The following WWOX variants were observed in gnomAD, a reference collection of about 807,000 sequenced individuals.
WWOX encodes WW domain containing oxidoreductase.
In WWOX, 69 loss-of-function variants were observed where a neutral mutation model predicts 46.2. That is an observed-to-expected ratio of 1.49 (90% CI 1.23 to 1.82). WWOX has a LOEUF of 1.82. WWOX is among the 40% of genes most tolerant of loss of function. The pLI, the probability that WWOX is intolerant of heterozygous loss-of-function variation, is 0.00. For synonymous variants in WWOX, 359 were observed against 202.6 expected (o/e 1.77, Z -6.56); for missense variants, 919 against 542.6 (o/e 1.69, Z -6.89).
intron 8 of WWOX, chr16:79,106,846 T>A (rs1159130153): frequency 6.7e-6 from 1 of 148,942 alleles, no homozygotes; most frequent in Non-Finnish European, 1.5e-5. Context: ...CTTGTTCTTA[T>A]GCCGAGGCTG....
At chr16:78,444,532 C>CT (rs749332062) in intron 8 of WWOX, among the ~76,000 whole-genome samples, 23,232 of 136,684 alleles carry the variant, frequency 0.17, 2,995 homozygotes, top group African/African-American at 0.35. Context: ...AGGAGCAATT[C>CT]TTTTTTTTTT....
chr16:78,960,730 C>T (rs1410913234), intron 8 of WWOX, among the ~76,000 whole-genome samples: 1 of 152,194 alleles, frequency 6.6e-6, no homozygotes, highest in Non-Finnish European at 1.5e-5. Flanking sequence ...TAGAGGTACA[C>T]AGCACTTGTT....
Position 78,457,358 on chromosome 16 carries a change from A to C in WWOX, c.1056+24606A>C, listed in dbSNP as rs112229083. Reference sequence around the variant, plus strand: ...GCTACTTGTTCTCTTGGTTCCTTCAAAGTAATGACTAAGTACAGGTCTTTA... The same window carrying C: ...GCTACTTGTTCTCTTGGTTCCTTCACAGTAATGACTAAGTACAGGTCTTTA... On this transcript the variant is annotated intron_variant, in intron 8 of 8. Coordinates refer to ENST00000566780, the MANE Select transcript of WWOX (RefSeq NM_016373.4). Among the ~76,000 whole-genome samples the C allele has an allele frequency of 2.3e-3, 347 of 152,290 alleles. 1 individual carries two copies. Among genetic ancestry groups the C allele is most frequent in the African/African-American group, 7.8e-3 (323 of 41,564 alleles).
At chr16:78,747,228 G>T (rs1454334005) in intron 8 of WWOX, among the ~76,000 whole-genome samples, 2 of 132,636 alleles carry the variant, frequency 1.5e-5, no homozygotes, top group African/African-American at 2.8e-5. Flanking sequence ...TCTCGCTCTT[G>T]TCATGCAGGC....
chr16:78,830,517 T>G (rs1225429690), intron 8 of WWOX, among the ~76,000 whole-genome samples: 1 of 151,990 alleles, frequency 6.6e-6, no homozygotes, highest in Non-Finnish European at 1.5e-5. Context: ...AAATTACCCA[T>G]TACCAGGGAA....
intron 8 of WWOX, among the ~76,000 whole-genome samples, chr16:78,915,788 G>A (rs1003781325): frequency 5.3e-5 from 8 of 152,198 alleles, no homozygotes; most frequent in Non-Finnish European, 8.8e-5. Flanking sequence ...ACTTGGTATC[G>A]TTCACATGTG....
In WWOX at chr16:78,632,601, C is replaced by A. The variant is rs111777936; in HGVS notation, c.1056+199849C>A. Among the ~76,000 whole-genome samples, 79 of 120,002 alleles carry A rather than the reference C, an allele frequency of 6.6e-4. 1 individual carries two copies. Among genetic ancestry groups the A allele is most frequent in the Non-Finnish European group, 7.1e-4 (44 of 61,774 alleles). 78.7% of individuals were successfully genotyped at this position (120,002 alleles called of 152,430 possible). A position where few individuals can be genotyped will look rare whatever the true frequency, so the allele number is the denominator to read the frequency against. On this transcript the variant is annotated intron_variant, in intron 8 of 8. Coordinates refer to ENST00000566780, the MANE Select transcript of WWOX (RefSeq NM_016373.4). ...TTTGGTGGAGTCTCGTTCTGTCTCC[C>A]AGGCTGGAGTGCAATGGTGCGATCT... is the stretch of plus-strand genomic sequence containing the variant.
At chr16:79,014,217 T>C (rs1158064540) in intron 8 of WWOX, among the ~76,000 whole-genome samples, 1 of 152,174 alleles carries the variant, frequency 6.6e-6, no homozygotes, top group Non-Finnish European at 1.5e-5. Context: ...CTTCCCGAGA[T>C]GGTGGTCATG....
intron 5 of WWOX, among the ~76,000 whole-genome samples, chr16:78,353,574 T>G (rs1342112415): frequency 6.6e-6 from 1 of 152,238 alleles, no homozygotes; most frequent in Non-Finnish European, 1.5e-5. Flanking sequence ...GCTATATTCT[T>G]GGTATTCACC....
At chr16:78,788,403 C>T (rs2550592) in intron 8 of WWOX, among the ~76,000 whole-genome samples, 55,891 of 152,078 alleles carry the variant, frequency 0.37, 11,018 homozygotes, top group Non-Finnish European at 0.43. Flanking sequence ...CTCTAATCTT[C>T]CCCACCTTTT....
At chr16:78,173,556 C>T (rs1183051936) in intron 5 of WWOX, among the ~76,000 whole-genome samples, 1 of 151,906 alleles carries the variant, frequency 6.6e-6, no homozygotes, top group Non-Finnish European at 1.5e-5. Flanking sequence ...CCTGGGTCTC[C>T]CAAAGTGCTG....
At chr16:78,185,847 A>G (rs913598064) in intron 5 of WWOX, among the ~76,000 whole-genome samples, 1 of 89,264 alleles carries the variant, frequency 1.1e-5, no homozygotes, top group African/African-American at 4.8e-5. Flanking sequence ...TTGTATTTTT[A>G]GTAGAGATGG....
chr16:79,089,564 T>G (rs1456572011), intron 8 of WWOX, among the ~76,000 whole-genome samples: 1 of 152,050 alleles, frequency 6.6e-6, no homozygotes, highest in Non-Finnish European at 1.5e-5. Context: ...ACTCCTGACC[T>G]CATGATCTGC....
intron 4 of WWOX, among the ~76,000 whole-genome samples, chr16:78,136,281 T>C (rs2033787682): frequency 6.6e-6 from 1 of 152,202 alleles, no homozygotes; most frequent in East Asian, 1.9e-4. Context: ...TTTTAAAAAA[T>C]TATTGTGATA....
At chr16:78,569,318 C>G (rs1382537094) in intron 8 of WWOX, among the ~76,000 whole-genome samples, 2 of 152,104 alleles carry the variant, frequency 1.3e-5, no homozygotes, top group African/African-American at 4.8e-5. Flanking sequence ...ATAAAATGTC[C>G]TATTTCATAT....
chr16:78,787,350 T>C (rs2050482908), intron 8 of WWOX, among the ~76,000 whole-genome samples: 1 of 152,182 alleles, frequency 6.6e-6, no homozygotes, highest in Non-Finnish European at 1.5e-5. Flanking sequence ...CAGCCCCTCA[T>C]AACCACATCT....
At chr16:79,101,742 T>G (rs2049199439) in intron 8 of WWOX, 1 of 136,676 alleles carries the variant, frequency 7.3e-6, no homozygotes, top group African/African-American at 3.1e-5. Context: ...TTACTTAGCC[T>G]TAAAAAAAAA....
At chr16:78,662,141 A>T (rs1315476408) in intron 8 of WWOX, among the ~76,000 whole-genome samples, 1 of 152,160 alleles carries the variant, frequency 6.6e-6, no homozygotes, top group Non-Finnish European at 1.5e-5. Flanking sequence ...GTAAGCTAGG[A>T]TTAAGTGCTT....
intron 8 of WWOX, among the ~76,000 whole-genome samples, chr16:78,509,450 AAT>A (rs1002023197): frequency 3.3e-5 from 5 of 151,582 alleles, no homozygotes; most frequent in Admixed American, 6.6e-5. Flanking sequence ...AAAAAAAAAA[AAT>A]AATATAATAA....
Sources: allele counts gnomAD v4.1 joint callset (sites outside exome capture counted in the v4.1 genomes callset), GRCh38; gene constraint gnomAD v4.1.1; transcripts MANE v1.5; gene names NCBI Gene and HGNC (gene_info 2026-07-23, HGNC 2026-07-21).